Variants in KCNQ5 observed in about 807,000 individuals in gnomAD.
KCNQ5 encodes potassium voltage-gated channel subfamily KQT member 5.
In KCNQ5, 30 loss-of-function variants were observed where a neutral mutation model predicts 98.2. The ratio of observed to expected loss-of-function variants is 0.31; its 90% CI spans 0.23 to 0.41. The LOEUF is 0.41. Among genes scored for constraint, KCNQ5 ranks in the 10% least tolerant of loss-of-function variants. The probability of loss-of-function intolerance (pLI) is 1.00; values close to 1 mark genes in which losing one functional copy is unlikely to be tolerated. For synonymous variants in KCNQ5, 458 were observed against 449.4 expected (o/e 1.02, Z -0.24); for missense variants, 835 against 1,182.5 (o/e 0.71, Z 4.31).
chr6:73,120,677 T>C, intron 8 of KCNQ5, 100 bp downstream of exon 8: 1 of 651,184 alleles, frequency 1.5e-6, no homozygotes, highest in Non-Finnish European at 2.6e-6. Flanking sequence ...ATGTTTGGCT[T>C]CTCTTATTCT....
At chr6:72,771,029 G>A (rs1263044084) in intron 1 of KCNQ5, among the ~76,000 whole-genome samples, 11 of 152,108 alleles carry the variant, frequency 7.2e-5, no homozygotes, top group Non-Finnish European at 1.6e-4. Context: ...TATAACCAAA[G>A]AATGCCAGTA....
intron 1 of KCNQ5, among the ~76,000 whole-genome samples, chr6:72,704,423 G>T (rs1582141847): frequency 6.6e-6 from 1 of 150,582 alleles, no homozygotes; most frequent in Non-Finnish European, 1.5e-5. Context: ...CCAATTTCTT[G>T]GAAATTACCT....
At chr6:72,806,776 A>C in intron 1 of KCNQ5, 1 of 449,308 alleles carries the variant, frequency 2.2e-6, no homozygotes, top group Non-Finnish European at 4.5e-6. Flanking sequence ...CTCAAGCCAA[A>C]CCCGTTTTTG....
chr6:73,176,163 C>T (rs181226631), intron 11 of KCNQ5, among the ~76,000 whole-genome samples: 5 of 152,276 alleles, frequency 3.3e-5, no homozygotes, highest in Non-Finnish European at 7.4e-5. Context: ...TGTGTCCTTG[C>T]CCAAATCTCA....
chr6:73,088,891 A>T (rs2150402486), intron 5 of KCNQ5, among the ~76,000 whole-genome samples: 1 of 151,608 alleles, frequency 6.6e-6, no homozygotes, highest in Admixed American at 6.6e-5. Flanking sequence ...ATTTCTCTTT[A>T]CTCTCCACTC....
At chr6:73,036,584 G>A (rs1345887258) in intron 2 of KCNQ5, among the ~76,000 whole-genome samples, 2 of 151,992 alleles carry the variant, frequency 1.3e-5, no homozygotes, top group African/African-American at 4.8e-5. Flanking sequence ...TATATAAATG[G>A]AATAATACAG....
chr6:73,180,845 T>C (rs1163507995), intron 11 of KCNQ5, among the ~76,000 whole-genome samples: 1 of 151,730 alleles, frequency 6.6e-6, no homozygotes, highest in African/African-American at 2.4e-5. Flanking sequence ...CACAGTTGGC[T>C]GAGCCCTCTC....
At chr6:73,114,868 AAT>A (rs1381029119) in intron 7 of KCNQ5, among the ~76,000 whole-genome samples, 1 of 152,192 alleles carries the variant, frequency 6.6e-6, no homozygotes, top group Non-Finnish European at 1.5e-5. Flanking sequence ...CCAAAAGAAA[AAT>A]ATATATATTT....
chr6:72,740,795 C>A (rs1771093065), intron 1 of KCNQ5, among the ~76,000 whole-genome samples: 1 of 152,092 alleles, frequency 6.6e-6, no homozygotes. Flanking sequence ...TAGGTAGATC[C>A]CTAAGGATTT....
At chr6:73,034,956 C>T (rs1771336038) in intron 2 of KCNQ5, among the ~76,000 whole-genome samples, 1 of 151,150 alleles carries the variant, frequency 6.6e-6, no homozygotes, top group Non-Finnish European at 1.5e-5. Context: ...CGCCATTCTC[C>T]TGCCTCAGCC....
At chr6:72,654,773 T>A (rs570588263) in intron 1 of KCNQ5, among the ~76,000 whole-genome samples, 1 of 152,260 alleles carries the variant, frequency 6.6e-6, no homozygotes, top group African/African-American at 2.4e-5. Context: ...TTTACCTATT[T>A]ACACATGAAA....
At position 73,092,411 on chromosome 6, in the gene KCNQ5, T is replaced by C. The variant is rs371271505; in HGVS notation, c.919-12846T>C. On this transcript the variant is annotated intron_variant, in intron 5 of 13. Coordinates refer to ENST00000370398, the MANE Select transcript of KCNQ5 (RefSeq NM_019842.4). ...ATTGCTCTGGCAAGGACTTCCAGTA[T>C]TATGATGAAGAGGAGTGATAAGAGT... Among the ~76,000 whole-genome samples the C allele has an allele frequency of 2.0e-5, 3 of 152,122 alleles. No individual in the cohort carries two copies. The South Asian group carries it at 6.2e-4, about 31-fold the overall frequency.
intron 1 of KCNQ5, among the ~76,000 whole-genome samples, chr6:72,761,181 A>G (rs1772251249): frequency 6.6e-6 from 1 of 152,152 alleles, no homozygotes; most frequent in South Asian, 2.1e-4. Flanking sequence ...AAAAATATTA[A>G]GAGCTAAGAA....
chr6:72,931,297 T>C (rs1488922475), intron 1 of KCNQ5, among the ~76,000 whole-genome samples: 1 of 152,194 alleles, frequency 6.6e-6, no homozygotes, highest in Admixed American at 6.5e-5. Context: ...GCCAATATAG[T>C]ATGATAATAA....
chr6:72,974,948 G>A (rs573466935), intron 1 of KCNQ5, among the ~76,000 whole-genome samples: 1 of 152,010 alleles, frequency 6.6e-6, no homozygotes, highest in Non-Finnish European at 1.5e-5. Flanking sequence ...TGTTGCCCAG[G>A]CTGGTCTCAA....
chr6:73,006,747 C>T (rs1195144190), intron 2 of KCNQ5, among the ~76,000 whole-genome samples: 1 of 152,202 alleles, frequency 6.6e-6, no homozygotes, highest in African/African-American at 2.4e-5. Context: ...ATAAAGACAA[C>T]ACCAGAGGTG....
intron 1 of KCNQ5, among the ~76,000 whole-genome samples, chr6:72,776,623 A>G (rs1297971837): frequency 6.6e-6 from 1 of 152,218 alleles, no homozygotes; most frequent in Non-Finnish European, 1.5e-5. Flanking sequence ...CTTCACATGA[A>G]ATAACTGAGT....
At chr6:72,971,437 G>A (rs1409167445) in intron 1 of KCNQ5, among the ~76,000 whole-genome samples, 1 of 152,172 alleles carries the variant, frequency 6.6e-6, no homozygotes, top group Non-Finnish European at 1.5e-5. Flanking sequence ...AGACAGTGTG[G>A]CTATTCCTCA....
At chr6:72,791,379 C>A (rs1774032499) in intron 1 of KCNQ5, among the ~76,000 whole-genome samples, 3 of 152,280 alleles carry the variant, frequency 2.0e-5, no homozygotes, top group Admixed American at 1.3e-4. Flanking sequence ...CCCTTGACAT[C>A]ATATTTTGAA....
Sources: allele counts gnomAD v4.1 joint callset (sites outside exome capture counted in the v4.1 genomes callset), GRCh38; gene constraint gnomAD v4.1.1; transcripts MANE v1.5; gene names NCBI Gene and HGNC (gene_info 2026-07-23, HGNC 2026-07-21).